The following LENG8 variants were observed in gnomAD, a reference collection of about 807,000 sequenced individuals.
The protein encoded by LENG8 is leukocyte receptor cluster member 8, also known as leukocyte receptor cluster (LRC) member 8.
LENG8 carries 28 observed loss-of-function variants against 102.1 expected under a neutral mutation model. The observed-to-expected ratio is 0.27, with a 90% confidence interval of 0.20 to 0.38. LENG8 has a LOEUF of 0.38. Among genes scored for constraint, LENG8 ranks in the 10% least tolerant of loss-of-function variants. LENG8 has a pLI of 1.00. For missense variants in LENG8, 1,022 were observed against 1,113.9 expected, an observed-to-expected ratio of 0.92 and a Z score of 1.17; for synonymous variants, 531 against 456.7, an observed-to-expected ratio of 1.16 and a Z score of -2.07.
chr19:54,453,565 G>T lies in LENG8; in HGVS notation c.335G>T (p.Gly112Val). The change falls in exon 5 of 16, where the codon GGC becomes GTC. Residue 112 changes from glycine (G) to valine (V), a missense_variant. Around this residue, in one of 7 missense-constraint regions of LENG8, gnomAD observed 343 missense variants for 320.2 expected, o/e 1.07. Transcript: ENST00000326764. ...YYPMSMYQSY[G>V]SPSQYGMAGS... ...TTGCAGAGCATGTACCAGAGCTATG[G>T]CTCCCCTTCCCAGTATGGGATGGCC... is the stretch of plus-strand genomic sequence containing the variant. 1 of 1,613,902 alleles carries T rather than the reference G, an allele frequency of 6.2e-7. No homozygotes were observed. Among genetic ancestry groups the T allele is most frequent in the Non-Finnish European group, 8.5e-7 (1 of 1,179,920 alleles).
chr19:54,461,910 C>G lies in LENG8; in HGVS notation c.*982C>G. The stretch of plus-strand genomic sequence containing the variant: ...TTCCAGATGTTCCTCCTCTGCCTCC[C>G]CTTCCCCTCCTCTCCCCTCCTTTTC... On this transcript the variant is annotated 3_prime_UTR_variant, in exon 16 of 16. Coordinates refer to ENST00000326764, the MANE Select transcript of LENG8 (RefSeq NM_052925.4). The G allele has an allele frequency of 1.2e-6, 1 of 865,576 alleles. No homozygotes were observed. The highest frequency in any genetic ancestry group is 1.3e-5 in the South Asian group (1 of 74,646). 53.6% of individuals were successfully genotyped at this position (865,576 alleles called of 1,614,324 possible). A position where few individuals can be genotyped will look rare whatever the true frequency, so the allele number is the denominator to read the frequency against.
chr19:54,454,827 T>C (rs1314403932), intron 6 of LENG8, 124 bp from the exon 7 acceptor site: 64 of 1,439,026 alleles, frequency 4.4e-5, no homozygotes, highest in African/African-American at 9.9e-5. Context: ...ACCAGGCACA[T>C]GTGTGCTGGA....
At chr19:54,451,800 C>T (rs1419996427) in intron 2 of LENG8, among the ~76,000 whole-genome samples, 1 of 152,092 alleles carries the variant, frequency 6.6e-6, no homozygotes, top group Non-Finnish European at 1.5e-5. Flanking sequence ...TAGGAGGTGC[C>T]AAGGCCTGTG....
At position 54,451,454 on chromosome 19, in the gene LENG8, G is replaced by T. The variant is rs1016658871; in HGVS notation, c.38+72G>T. Reference sequence around the variant, plus strand: ...AGCAAGACCCAGTGCTGTCCTCTGGGGTGGGACCTCCCGTGGCCTTAGGGG... The same window carrying T: ...AGCAAGACCCAGTGCTGTCCTCTGGTGTGGGACCTCCCGTGGCCTTAGGGG... On this transcript the variant is annotated intron_variant, in intron 2 of 15. Coordinates refer to ENST00000326764, the MANE Select transcript of LENG8 (RefSeq NM_052925.4). 1.3e-5 allele frequency: 20 copies of T among 1,507,914 alleles called. No individual in the cohort carries two copies. In the Admixed American group the frequency reaches 2.8e-4, roughly 21 times the overall value. The allele number at this position is 1,507,914 out of a possible 1,614,324, so 93.4% of individuals were successfully genotyped here.
rs557848907 is a variant in LENG8 at position 54,458,247 on chromosome 19, C to T, written c.2032+15C>T. The stretch of plus-strand genomic sequence containing the variant: ...GAACTCGGGAGGTGAGGCCCAGTCC[C>T]CAGGACAGAGGCCATGGTACCCAGG... On this transcript the variant is annotated intron_variant, in intron 14 of 15. Transcript: ENST00000326764. 9 of 1,614,158 alleles carry T rather than the reference C, an allele frequency of 5.6e-6. No individual in the cohort carries two copies. The East Asian group carries it at 1.6e-4, about 28-fold the overall frequency.
chr19:54,456,486 G>A (rs1471430171), intron 10 of LENG8, 21 bp downstream of exon 10: 26 of 1,590,776 alleles, frequency 1.6e-5, no homozygotes, highest in Non-Finnish European at 2.1e-5. Context: ...GTGAGGGCTC[G>A]ACACACGGGC....
chr19:54,459,258 G>T (rs1031769158), intron 15 of LENG8: 3 of 1,037,268 alleles, frequency 2.9e-6, no homozygotes, highest in Non-Finnish European at 3.5e-6. Context: ...CCCTGCCACT[G>T]CCATTGGGCC....
rs1479281279 is a variant in LENG8, at chr19:54,461,599, T to A, written c.*671T>A. 1.3e-5 allele frequency: 6 copies of A among 472,934 alleles called. No homozygotes were observed. The highest frequency in any genetic ancestry group is 9.3e-5 in the South Asian group (6 of 64,568). The allele number at this position is 472,934 out of a possible 1,614,324, so 29.3% of individuals were successfully genotyped here. A position where few individuals can be genotyped will look rare whatever the true frequency, so the allele number is the denominator to read the frequency against. Reference sequence around the variant, plus strand: ...AGTTGTCTCCGTGTCCCCTCCTCCCTCTGCCCCCAGTGTTTCTTCTGATTT... The same window carrying A: ...AGTTGTCTCCGTGTCCCCTCCTCCCACTGCCCCCAGTGTTTCTTCTGATTT... On this transcript the variant is annotated 3_prime_UTR_variant, in exon 16 of 16. Coordinates refer to ENST00000326764, the MANE Select transcript of LENG8 (RefSeq NM_052925.4).
chr19:54,455,101 TG>T lies in LENG8; in HGVS notation c.821+10del, dbSNP rs2084158623. The T allele has an allele frequency of 3.1e-6, 5 of 1,613,976 alleles. No individual in the cohort carries two copies. The East Asian group carries it at 1.1e-4, about 36-fold the overall frequency. On this transcript the variant is annotated intron_variant, in intron 7 of 15. Coordinates refer to ENST00000326764, the MANE Select transcript of LENG8 (RefSeq NM_052925.4). ...AAAGTTCAGAACCACAGGTGACGTC[TG>T]CCCCCTTGCCCCGTCGCAGCCCCAC...
At chr19:54,451,461 C>A in intron 2 of LENG8, 79 bp downstream of exon 2, 1 of 1,444,402 alleles carries the variant, frequency 6.9e-7, no homozygotes, top group South Asian at 1.1e-5. Flanking sequence ...TGGGGTGGGA[C>A]CTCCCGTGGC....
intron 15 of LENG8, chr19:54,458,995 C>G: frequency 2.1e-6 from 3 of 1,449,788 alleles, no homozygotes; most frequent in East Asian, 2.5e-5. Flanking sequence ...AGGGAGACAC[C>G]TGTGTTGAGG....
rs893532149 is a variant in LENG8 at position 54,452,637 on chromosome 19, C to T, written c.214-14C>T. 34 of 1,470,122 alleles carry T rather than the reference C, an allele frequency of 2.3e-5. No homozygotes were observed. In the African/African-American group the frequency reaches 8.7e-4, roughly 38 times the overall value. 91.1% of individuals were successfully genotyped at this position (1,470,122 alleles called of 1,614,324 possible). A position where few individuals can be genotyped will look rare whatever the true frequency, so the allele number is the denominator to read the frequency against. ...TTTGGGCTGCTGACGGCACATGTGC[C>T]TCTGCTTCCACAGTACGTGTCCCAG... On this transcript the variant is annotated splice_polypyrimidine_tract_variant and intron_variant, in intron 3 of 15. Coordinates refer to ENST00000326764, the MANE Select transcript of LENG8 (RefSeq NM_052925.4).
chr19:54,460,719 GCCCTCCC>G, intron 15 of LENG8, 40 bp from the exon 16 acceptor site: 9 of 778,844 alleles, frequency 1.2e-5, no homozygotes, highest in Non-Finnish European at 1.6e-5. Flanking sequence ...GCCCTCCCCT[GCCCTCCC>G]GCCCGCCCGC....
chr19:54,454,297 C>T, intron 5 of LENG8, 133 bp from the exon 6 acceptor site: 1 of 833,280 alleles, frequency 1.2e-6, no homozygotes, highest in Non-Finnish European at 1.9e-6. Context: ...CTCGAATGAA[C>T]TCACATTTGG....
rs142791549 is a variant in LENG8 at position 54,454,955 on chromosome 19, C to T, written c.684C>T (p.Ala228=). The change falls in exon 7 of 16, where the codon GCC becomes GCT. Residue 228 remains alanine (A), a synonymous_variant. Coordinates refer to ENST00000326764, the MANE Select transcript of LENG8 (RefSeq NM_052925.4). ...GQQLWNRMKP[A]PGTGGLKFNI... is the part of the protein sequence containing the mutation. ...TAGCTTTCGCTGCCCTCACAGCCGC[C>T]CCTGGGACTGGAGGTCTCAAGTTCA... The T allele has an allele frequency of 2.5e-6, 4 of 1,614,182 alleles. No individual in the cohort carries two copies. The highest frequency in any genetic ancestry group is 3.4e-6 in the Non-Finnish European group (4 of 1,180,024).
In LENG8 at chr19:54,460,830, T is replaced by G; in HGVS notation, c.2305T>G (p.Cys769Gly). The change falls in exon 16 of 16, where the codon TGC becomes GGC. Residue 769 changes from cysteine (C) to glycine (G), a missense_variant. Cys to Gly is a radical substitution (Grantham distance 159, BLOSUM62 -3). Coordinates refer to ENST00000326764, the MANE Select transcript of LENG8 (RefSeq NM_052925.4). Reference sequence around the variant, plus strand: ...GCTGGCCTTCGAGGGCGAGGCCGCCTGCCGGGCCTTCCTAGAGCCCCTGGG... The same window carrying G: ...GCTGGCCTTCGAGGGCGAGGCCGCCGGCCGGGCCTTCCTAGAGCCCCTGGG... ...AELAFEGEAACRAFLEPLGLA... is the reference protein window; with the variant it reads ...AELAFEGEAAGRAFLEPLGLA... 2 of 1,560,696 alleles carry G rather than the reference T, an allele frequency of 1.3e-6. No individual in the cohort carries two copies. The highest frequency in any genetic ancestry group is 1.7e-6 in the Non-Finnish European group (2 of 1,152,494).
At chr19:54,460,717 C>CGGG in intron 15 of LENG8, 49 bp from the exon 16 acceptor site, 78 of 1,359,996 alleles carry the variant, frequency 5.7e-5, no homozygotes, top group East Asian at 8.7e-5. Flanking sequence ...GGGCCCTCCC[C>CGGG]TGCCCTCCCG....
rs372225036 is a variant in LENG8, at chr19:54,452,117, T to C, written c.63T>C (p.Ala21=). 1.2e-4 allele frequency: 200 copies of C among 1,613,856 alleles called. No individual in the cohort carries two copies. Among genetic ancestry groups the C allele is most frequent in the Non-Finnish European group, 1.5e-4 (181 of 1,179,922 alleles). The change falls in exon 3 of 16, where the codon GCT becomes GCC. Residue 21 remains alanine (A), a synonymous_variant. Transcript: ENST00000326764. ...GGTCTTCTCAGTACAGCATGGTGGC[T>C]GGGGCAGGCCGAGAGAATGGCATGG... ...TDWSSQYSMV[A]GAGRENGMET...
At chr19:54,454,902 C>T (rs748078916) in intron 6 of LENG8, 49 bp from the exon 7 acceptor site, 180 of 1,612,130 alleles carry the variant, frequency 1.1e-4, no homozygotes, top group Non-Finnish European at 1.2e-4. Flanking sequence ...CTGGGGACCC[C>T]TGGATGTGCC....
Sources: allele counts gnomAD v4.1 joint callset (sites outside exome capture counted in the v4.1 genomes callset), GRCh38; gene constraint gnomAD v4.1.1; regional missense constraint gnomAD v4.1.1; transcripts MANE v1.5; gene names NCBI Gene and HGNC (gene_info 2026-07-23, HGNC 2026-07-21).